PSEN2: variants seen among roughly 807,000 people sequenced by gnomAD.
PSEN2 encodes presenilin 2.
In PSEN2, 32 loss-of-function variants were observed where a neutral mutation model predicts 49.1. That is an observed-to-expected ratio of 0.65 (90% CI 0.49 to 0.88). The LOEUF is 0.88. PSEN2 is among the 40% of genes least tolerant of loss of function. PSEN2 has a pLI of 0.00. For synonymous variants in PSEN2, 255 were observed against 244.0 expected (o/e 1.05, Z -0.42); for missense variants, 522 against 586.9 (o/e 0.89, Z 1.14).
At chr1:226,888,521 C>T (rs1301489654) in intron 7 of PSEN2, among the ~76,000 whole-genome samples, 1 of 152,132 alleles carries the variant, frequency 6.6e-6, no homozygotes, top group Non-Finnish European at 1.5e-5. Context: ...TTCTATCGCC[C>T]CTTGATTTGG....
intron 12 of PSEN2, among the ~76,000 whole-genome samples, chr1:226,902,915 A>G (rs1020344656): frequency 6.6e-6 from 1 of 152,150 alleles, no homozygotes; most frequent in African/African-American, 2.4e-5. Flanking sequence ...TCCAGAGCCT[A>G]CTCGGAGGGG....
At chr1:226,870,964 T>A (rs978736720) in intron 1 of PSEN2, 2 of 152,322 alleles carry the variant, frequency 1.3e-5, no homozygotes, top group African/African-American at 4.8e-5. Context: ...TGCGCCCGCC[T>A]GCCGCCGAGC....
chr1:226,873,290 T>TTTG (rs1394189020), intron 2 of PSEN2, among the ~76,000 whole-genome samples: 3 of 152,216 alleles, frequency 2.0e-5, no homozygotes, highest in African/African-American at 7.2e-5. Context: ...CTTGTTCATC[T>TTTG]TTGTGAAAAT....
chr1:226,881,849 C>T lies in PSEN2; in HGVS notation c.-20-39C>T, dbSNP rs200565077. ...TGAGTCCTCCACTGCCTTTGTCTCA[C>T]AGGAAAGTGGAACAAGGTCCTTGTG... On this transcript the variant is annotated intron_variant, in intron 3 of 12. Transcript: ENST00000366783. 9.3e-6 allele frequency: 15 copies of T among 1,613,470 alleles called. No individual in the cohort carries two copies. In the South Asian group the frequency reaches 1.4e-4, roughly 15 times the overall value.
At chr1:226,886,636 C>T (rs1661381396) in intron 6 of PSEN2, among the ~76,000 whole-genome samples, 1 of 152,158 alleles carries the variant, frequency 6.6e-6, no homozygotes, top group Non-Finnish European at 1.5e-5. Context: ...ATTTTTTGTT[C>T]AGGCCGCTGC....
At position 226,870,657 on chromosome 1, in the gene PSEN2, G is replaced by C. The variant is rs1558133529; in HGVS notation, c.-350+8G>C. On this transcript the variant is annotated splice_region_variant and intron_variant, in intron 1 of 12. Coordinates refer to ENST00000366783, the MANE Select transcript of PSEN2 (RefSeq NM_000447.3). ...AGCGCGGCGGCAGAGCAGGTGAGCG[G>C]GCGGTGCCGGGGGGTGCCCAGGCCA... 1 of 152,182 alleles carries C rather than the reference G, an allele frequency of 6.6e-6. No homozygotes were observed. The allele number at this position is 152,182 out of a possible 1,614,324, so 9.4% of individuals were successfully genotyped here. A position where few individuals can be genotyped will look rare whatever the true frequency, so the allele number is the denominator to read the frequency against.
At position 226,895,550 on chromosome 1, in the gene PSEN2, A is replaced by T; in HGVS notation, c.1318A>T (p.Thr440Ser). 1 of 1,613,218 alleles carries T rather than the reference A, an allele frequency of 6.2e-7. No homozygotes were observed. The highest frequency in any genetic ancestry group is 8.5e-7 in the Non-Finnish European group (1 of 1,179,694). Residue 440 changes from threonine to serine, a missense_variant, in exon 13 of 13, where the codon ACC becomes TCC. Thr to Ser is a moderately conservative substitution (Grantham distance 58). Coordinates refer to ENST00000366783, the MANE Select transcript of PSEN2 (RefSeq NM_000447.3). ...TDNLVRPFMD[T>S]LASHQLYI ...CAACCTGGTGCGGCCGTTCATGGACACCCTGGCCTCCCATCAGCTCTACAT... is the reference window on the plus strand; with the variant it reads ...CAACCTGGTGCGGCCGTTCATGGACTCCCTGGCCTCCCATCAGCTCTACAT...
intron 2 of PSEN2, among the ~76,000 whole-genome samples, chr1:226,872,985 C>G (rs1414188574): frequency 6.6e-6 from 1 of 152,130 alleles, no homozygotes; most frequent in African/African-American, 2.4e-5. Flanking sequence ...TGAGACCAGC[C>G]TGACCAACAT....
At chr1:226,894,203 G>A in intron 12 of PSEN2, 78 bp downstream of exon 12, 1 of 975,352 alleles carries the variant, frequency 1.0e-6, no homozygotes, top group East Asian at 2.4e-5. Flanking sequence ...GCAGGTCTCA[G>A]GATCCCTAGG....
chr1:226,901,643 T>C (rs1319994301), downstream of PSEN2, among the ~76,000 whole-genome samples: 1 of 152,184 alleles, frequency 6.6e-6, no homozygotes, highest in African/African-American at 2.4e-5. Context: ...ATTTCCCTAA[T>C]GCTGACTAAT....
At chr1:226,885,018 C>T (rs376711351) in intron 5 of PSEN2, among the ~76,000 whole-genome samples, 2 of 152,228 alleles carry the variant, frequency 1.3e-5, no homozygotes, top group South Asian at 4.1e-4. Context: ...GAGAATGCAG[C>T]CAGCGGTTTG....
chr1:226,888,023 G>T, intron 6 of PSEN2, 68 bp from the exon 7 acceptor site: 1 of 1,320,890 alleles, frequency 7.6e-7, no homozygotes, highest in Non-Finnish European at 1.1e-6. Context: ...TCAGTCTCAG[G>T]ATCCTGGGGG....
At position 226,888,883 on chromosome 1, in the gene PSEN2, T is replaced by A. The variant is rs749034384; in HGVS notation, c.621T>A (p.Thr207=). Reference sequence around the variant, plus strand: ...TGGACTACCCCACCCTCTTGCTGACTGTCTGGAACTTCGGGGCAGTGGGCA... The same window carrying A: ...TGGACTACCCCACCCTCTTGCTGACAGTCTGGAACTTCGGGGCAGTGGGCA... ...VAMDYPTLLL[T]VWNFGAVGMV... The change falls in exon 8 of 13, where the codon ACT becomes ACA. Residue 207 remains threonine, a synonymous_variant. Coordinates refer to ENST00000366783, the MANE Select transcript of PSEN2 (RefSeq NM_000447.3). 1.2e-6 allele frequency: 2 copies of A among 1,614,200 alleles called. No individual in the cohort carries two copies. Among genetic ancestry groups the A allele is most frequent in the Non-Finnish European group, 1.7e-6 (2 of 1,180,022 alleles).
Position 226,891,741 on chromosome 1 carries a change from A to T in PSEN2, c.971-2A>T, listed in dbSNP as rs755095033. 1.2e-6 allele frequency: 2 copies of T among 1,612,966 alleles called. No individual in the cohort carries two copies. The highest frequency in any genetic ancestry group is 1.7e-6 in the Non-Finnish European group (2 of 1,179,114). On this transcript the variant is annotated splice_acceptor_variant, in intron 10 of 12. Coordinates refer to ENST00000366783, the MANE Select transcript of PSEN2 (RefSeq NM_000447.3). LOFTEE classifies it high-confidence loss of function. ...GGACATCTTCTCTTCCTGGACACCC[A>T]GAAGAAGACTCCTATGACAGTTTTG...
At chr1:226,891,167 A>T (rs1185460386) in intron 9 of PSEN2, 111 bp from the exon 10 acceptor site, 3 of 865,004 alleles carry the variant, frequency 3.5e-6, no homozygotes, top group Non-Finnish European at 5.7e-6. Context: ...TACCTGCAGG[A>T]TGGAGGGTCC....
At chr1:226,901,059 T>C (rs1480134213), downstream of PSEN2, among the ~76,000 whole-genome samples, 1 of 152,196 alleles carries the variant, frequency 6.6e-6, no homozygotes, top group Admixed American at 6.5e-5. Context: ...GAATAGGTGC[T>C]CTTGACTAGC....
intron 2 of PSEN2, among the ~76,000 whole-genome samples, chr1:226,872,699 C>T (rs1241855163): frequency 7.9e-5 from 12 of 152,164 alleles, no homozygotes; most frequent in South Asian, 2.1e-4. Context: ...CTTTGACTTT[C>T]GGACACTGTT....
chr1:226,874,407 AGGTGGCGTTGATGGCCTTTAC>A (rs1406397045), intron 2 of PSEN2, among the ~76,000 whole-genome samples: 3 of 152,198 alleles, frequency 2.0e-5, no homozygotes, highest in Non-Finnish European at 4.4e-5. Context: ...GGAGCTGACT[AGGTGGCGTTGATGGCCTTTAC>A]GGTCCTTGCC....
intron 3 of PSEN2, among the ~76,000 whole-genome samples, chr1:226,880,929 C>G (rs1392717169): frequency 6.6e-6 from 1 of 152,218 alleles, no homozygotes; most frequent in East Asian, 1.9e-4. Context: ...ACCTCCCAGA[C>G]AGCTTCCCCA....
Sources: gnomAD v4.1 joint callset for allele counts (sites outside exome capture counted in the v4.1 genomes callset) on GRCh38, gnomAD v4.1.1 for gene constraint, MANE v1.5 for transcripts, NCBI Gene and HGNC (gene_info 2026-07-23, HGNC 2026-07-21) for gene names.